Variants in NUCB1 observed in about 807,000 individuals in gnomAD.
NUCB1 encodes nucleobindin 1.
In NUCB1, 47 loss-of-function variants were observed where a neutral mutation model predicts 61.2. The observed-to-expected ratio is 0.77, with a 90% CI of 0.61 to 0.98. NUCB1 has a LOEUF of 0.98. Ranked by LOEUF, NUCB1 falls within the 50% of genes least tolerant of loss-of-function variation. The pLI is 0.00. For missense variants in NUCB1, 583 were observed against 605.3 expected (o/e 0.96, Z 0.39); for synonymous variants, 234 against 243.1 (o/e 0.96, Z 0.35).
chr19:48,904,046 G>A (rs557037340), intron 2 of NUCB1, among the ~76,000 whole-genome samples: 1 of 151,642 alleles, frequency 6.6e-6, no homozygotes, highest in Non-Finnish European at 1.5e-5. Flanking sequence ...TGGATGGATG[G>A]GTGGGTGGAT....
intron 1 of NUCB1, 58 bp from the exon 2 acceptor site, chr19:48,900,727 AG>A: frequency 6.4e-7 from 1 of 1,565,694 alleles, no homozygotes. Flanking sequence ...TCCTGGTTCC[AG>A]GGGAGGAAGA....
Position 48,919,021 on chromosome 19 carries a change from C to A in NUCB1, c.817-9C>A. On this transcript the variant is annotated splice_polypyrimidine_tract_variant and intron_variant, in intron 8 of 12. Transcript: ENST00000405315. ...CTCAATGCTGTCTGCCTCTCGCTTG[C>A]TCCTGCAGCTGGAGAAAGTGTACGA... 6.2e-7 allele frequency: 1 copy of A among 1,613,090 alleles called. No homozygotes were observed. The highest frequency in any genetic ancestry group is 8.5e-7 in the Non-Finnish European group (1 of 1,179,504).
At chr19:48,911,624 T>G (rs1306555806) in intron 5 of NUCB1, among the ~76,000 whole-genome samples, 26 of 152,018 alleles carry the variant, frequency 1.7e-4, no homozygotes, top group Admixed American at 1.7e-3. Context: ...CAGGCTGGTC[T>G]CGAACTCCTG....
Position 48,904,386 on chromosome 19 carries a change from A to G in NUCB1, c.175A>G (p.Ile59Val). Residue 59 changes from isoleucine (I) to valine (V), a missense_variant, in exon 3 of 13, where the codon ATC (isoleucine) becomes GTC (valine). By Grantham distance (29) the Ile-to-Val change is conservative. Transcript: ENST00000405315. ...LYYHRYLQEV[I>V]DVLETDGHFR... ...CTACCACCGGTACCTCCAGGAGGTC[A>G]TCGATGTACTGGAGACGGATGGGCA... 1 of 1,613,688 alleles carries G rather than the reference A, an allele frequency of 6.2e-7. No homozygotes were observed.
chr19:48,913,841 G>T (rs569904719), intron 7 of NUCB1, among the ~76,000 whole-genome samples: 2 of 152,276 alleles, frequency 1.3e-5, no homozygotes, highest in Non-Finnish European at 1.5e-5. Context: ...GCTAGGCCTG[G>T]GCCCTCTGCC....
chr19:48,922,304 C>T lies in NUCB1; in HGVS notation c.1280-14C>T. The T allele has an allele frequency of 1.9e-6, 3 of 1,607,186 alleles. No individual in the cohort carries two copies. Among genetic ancestry groups the T allele is most frequent in the East Asian group, 2.2e-5 (1 of 44,840 alleles). The stretch of plus-strand genomic sequence containing the variant: ...CGGATGTCCTGTGCCACCATTCCCT[C>T]CCTCCATTTCCAGACGATGTACCTG... On this transcript the variant is annotated splice_polypyrimidine_tract_variant and intron_variant, in intron 12 of 12. Transcript: ENST00000405315.
intron 4 of NUCB1, among the ~76,000 whole-genome samples, chr19:48,906,679 C>T (rs1463786613): frequency 2.0e-5 from 3 of 151,692 alleles, no homozygotes; most frequent in Admixed American, 6.6e-5. Flanking sequence ...GCCATGACTG[C>T]GCCACTGTAC....
Position 48,922,322 on chromosome 19 carries a change from T to C in NUCB1, c.1284T>C (p.Asp428=), listed in dbSNP as rs201829642. Residue 428 remains aspartate (D), a synonymous_variant, in exon 13 of 13, where the codon GAT becomes GAC. Transcript: ENST00000405315. ...ATTCCCTCCCTCCATTTCCAGACGA[T>C]GTACCTGTCCCAGCTCCAGCCGGTG... ...GQLKFHPDTD[D]VPVPAPAGDQ... is the part of the protein sequence containing the mutation. The C allele has an allele frequency of 3.4e-5, 55 of 1,613,380 alleles. No homozygotes were observed. The African/African-American group carries it at 6.4e-4, about 19-fold the overall frequency.
intron 4 of NUCB1, 74 bp downstream of exon 4, chr19:48,905,959 G>A (rs969956526): frequency 4.3e-5 from 62 of 1,426,666 alleles, no homozygotes; most frequent in Non-Finnish European, 5.7e-5. Flanking sequence ...GCCTCCAGGT[G>A]GTTGTGTGCT....
At chr19:48,921,372 G>A (rs771240733) in intron 11 of NUCB1, 48 bp downstream of exon 11, 23 of 1,543,816 alleles carry the variant, frequency 1.5e-5, no homozygotes, top group East Asian at 2.4e-5. Context: ...CTGGCTGCCC[G>A]TGTCCGTGTC....
chr19:48,911,121 A>G (rs1285569176), intron 4 of NUCB1, 28 bp from the exon 5 acceptor site: 1 of 1,509,060 alleles, frequency 6.6e-7, no homozygotes, highest in Non-Finnish European at 9.2e-7. Flanking sequence ...ACATGCCCTC[A>G]GGTGTTGGAC....
chr19:48,904,773 C>T (rs1230147715), intron 3 of NUCB1, among the ~76,000 whole-genome samples: 1 of 152,150 alleles, frequency 6.6e-6, no homozygotes, highest in Non-Finnish European at 1.5e-5. Flanking sequence ...CCTCCCATCT[C>T]GGCTTCCCAA....
intron 1 of NUCB1, 108 bp from the exon 2 acceptor site, chr19:48,900,678 T>C (rs991109180): frequency 1.4e-6 from 2 of 1,414,878 alleles, no homozygotes; most frequent in African/African-American, 2.8e-5. Flanking sequence ...TGCTTGTGTC[T>C]TGATTCTTGG....
chr19:48,913,067 C>T lies in NUCB1; in HGVS notation c.537C>T (p.Tyr179=), dbSNP rs374125162. ...DAAHHEEFKR[Y]EMLKEHERRR... is the part of the protein sequence containing the mutation. ...CCCATCATGAAGAGTTCAAGCGCTA[C>T]GAGATGCTTAAGGAACACGAGAGAC... Residue 179 remains tyrosine, a synonymous_variant, in exon 6 of 13, where the codon TAC becomes TAT. Coordinates refer to ENST00000405315, the MANE Select transcript of NUCB1 (RefSeq NM_006184.6). 205 of 1,613,476 alleles carry T rather than the reference C, an allele frequency of 1.3e-4. No individual in the cohort carries two copies. Among genetic ancestry groups the T allele is most frequent in the African/African-American group, 2.1e-4 (16 of 74,758 alleles).
Position 48,913,122 on chromosome 19 carries a change from C to T in NUCB1, c.592C>T (p.Gln198Ter). 2 of 1,613,788 alleles carry T rather than the reference C, an allele frequency of 1.2e-6. No individual in the cohort carries two copies. The highest frequency in any genetic ancestry group is 1.7e-6 in the Non-Finnish European group (2 of 1,179,974). Reference sequence around the variant, plus strand: ...TTATCTGGAGTCACTGGGAGAGGAGCAGAGAAAGGAGGCGGAGAGGAAGCT... The same window carrying T: ...TTATCTGGAGTCACTGGGAGAGGAGTAGAGAAAGGAGGCGGAGAGGAAGCT... Reference protein sequence around the residue: ...RRYLESLGEEQRKEAERKLEE... With the variant: ...RRYLESLGEE Residue 198 changes from glutamine (Q) to a stop codon, truncating the protein, a stop_gained, in exon 6 of 13, where the codon CAG (glutamine) becomes TAG (stop). Transcript: ENST00000405315. LOFTEE classifies it high-confidence loss of function.
At chr19:48,911,640 A>G (rs1600059510) in intron 5 of NUCB1, among the ~76,000 whole-genome samples, 1 of 152,072 alleles carries the variant, frequency 6.6e-6, no homozygotes, top group East Asian at 1.9e-4. Flanking sequence ...TCCTGACCTC[A>G]GGTGATCCAC....
intron 7 of NUCB1, chr19:48,918,322 C>T (rs1354315938): frequency 6.0e-6 from 1 of 167,782 alleles, no homozygotes; most frequent in Non-Finnish European, 1.3e-5. Context: ...TGAAGCCCTG[C>T]AGCTGTGGGG....
intron 4 of NUCB1, among the ~76,000 whole-genome samples, chr19:48,908,875 G>T (rs1456532782): frequency 6.6e-6 from 1 of 151,972 alleles, no homozygotes; most frequent in Non-Finnish European, 1.5e-5. Flanking sequence ...GGAGACATGC[G>T]TGCGGTAAGT....
chr19:48,919,426 C>A, intron 10 of NUCB1, 140 bp downstream of exon 10: 1 of 545,732 alleles, frequency 1.8e-6, no homozygotes. Flanking sequence ...ATCTCTGGGT[C>A]TCTGTTTTCC....
Sources: allele counts gnomAD v4.1 joint callset (sites outside exome capture counted in the v4.1 genomes callset), GRCh38; gene constraint gnomAD v4.1.1; transcripts MANE v1.5; gene names NCBI Gene and HGNC (gene_info 2026-07-23, HGNC 2026-07-21).